The following SORCS2 variants were observed in gnomAD, a reference collection of about 807,000 sequenced individuals.
The protein encoded by SORCS2 is sortilin related VPS10 domain containing receptor 2, also known as VPS10 domain-containing receptor SorCS2.
Under a neutral mutation model 141.6 loss-of-function variants are expected in SORCS2, and 100 were observed. The observed-to-expected ratio is 0.71, with a 90% CI of 0.60 to 0.83. The LOEUF (loss-of-function observed/expected upper bound fraction) is 0.83, where lower values mean the gene tolerates loss of function less well. Ranked by LOEUF, SORCS2 falls within the 40% of genes least tolerant of loss-of-function variation. The probability of loss-of-function intolerance (pLI) is 0.00; values close to 1 mark genes in which losing one functional copy is unlikely to be tolerated. For synonymous variants in SORCS2, 789 were observed against 676.9 expected (o/e 1.17, Z -2.57); for missense variants, 1,646 against 1,560.2 (o/e 1.05, Z -0.93).
At chr4:7,271,326 G>C (rs150367917) in intron 1 of SORCS2, among the ~76,000 whole-genome samples, 1 of 152,276 alleles carries the variant, frequency 6.6e-6, no homozygotes, top group East Asian at 1.9e-4. Context: ...TTCAGCCCCT[G>C]TTCCTATTCA....
chr4:7,475,773 T>A (rs1236968940), intron 2 of SORCS2, among the ~76,000 whole-genome samples: 4 of 152,372 alleles, frequency 2.6e-5, no homozygotes, highest in African/African-American at 9.6e-5. Context: ...GGTGCTGTGG[T>A]CTGGGGCCTG....
intron 2 of SORCS2, among the ~76,000 whole-genome samples, chr4:7,515,502 G>A (rs1188856584): frequency 2.0e-5 from 3 of 152,146 alleles, no homozygotes; most frequent in East Asian, 3.9e-4. Context: ...CGCCTGGCAC[G>A]AGGGCTCAGC....
At chr4:7,471,415 G>A (rs1410684856) in intron 2 of SORCS2, among the ~76,000 whole-genome samples, 1 of 152,234 alleles carries the variant, frequency 6.6e-6, no homozygotes, top group East Asian at 1.9e-4. Context: ...CATAAGAAAA[G>A]CCTACAGACC....
intron 2 of SORCS2, among the ~76,000 whole-genome samples, chr4:7,468,566 T>C (rs931923867): frequency 6.6e-6 from 1 of 152,250 alleles, no homozygotes; most frequent in Non-Finnish European, 1.5e-5. Flanking sequence ...TTGGAAAGGT[T>C]TGTTGAATGC....
At chr4:7,727,381 T>C (rs1560117143) in intron 21 of SORCS2, among the ~76,000 whole-genome samples, 1 of 151,860 alleles carries the variant, frequency 6.6e-6, no homozygotes, top group South Asian at 2.1e-4. Context: ...TCTTAGTCCC[T>C]CGTGGGAGAT....
chr4:7,468,471 T>C lies in SORCS2; in HGVS notation c.549-63059T>C, dbSNP rs1469552179. 3.3e-5 allele frequency among the ~76,000 whole-genome samples: 5 copies of C among 152,340 alleles called. No individual in the cohort carries two copies. In the South Asian group the frequency reaches 6.2e-4, roughly 19 times the overall value. ...TTGAGAAGAATACACTGAAAAAAGA[T>C]GTGTGCATAGCGTCGAGGATGGGGG... On this transcript the variant is annotated intron_variant, in intron 2 of 26. Coordinates refer to ENST00000507866, the MANE Select transcript of SORCS2 (RefSeq NM_020777.3).
chr4:7,538,192 C>G (rs1021710357), intron 3 of SORCS2, among the ~76,000 whole-genome samples: 1 of 152,192 alleles, frequency 6.6e-6, no homozygotes, highest in Non-Finnish European at 1.5e-5. Context: ...AATTACAGGC[C>G]GAGCAGCACT....
rs558882282 is a variant in SORCS2 at position 7,656,429 on chromosome 4, C to T, written c.887+2222C>T. 2.0e-5 allele frequency among the ~76,000 whole-genome samples: 3 copies of T among 152,348 alleles called. No homozygotes were observed. In the East Asian group the frequency reaches 5.8e-4, roughly 29 times the overall value. ...CGTGGAGGCTCTGAGTGCACCATTCCACGGCATCCCCACAGCAGCCCATGC... is the reference window on the plus strand; with the variant it reads ...CGTGGAGGCTCTGAGTGCACCATTCTACGGCATCCCCACAGCAGCCCATGC... On this transcript the variant is annotated intron_variant, in intron 5 of 26. Transcript: ENST00000507866.
chr4:7,437,696 G>C (rs1297601999), intron 2 of SORCS2, among the ~76,000 whole-genome samples: 6 of 148,526 alleles, frequency 4.0e-5, no homozygotes, highest in Non-Finnish European at 6.0e-5. Flanking sequence ...GTGCCAGAAA[G>C]TGGGGACAAA....
chr4:7,480,811 G>A (rs77431149), intron 2 of SORCS2, among the ~76,000 whole-genome samples: 5,130 of 152,376 alleles, frequency 0.034, 266 homozygotes, highest in African/African-American at 0.12. Context: ...TGGAGGCTTG[G>A]CTGGGACAGG....
At chr4:7,420,505 G>A (rs1725969072) in intron 2 of SORCS2, among the ~76,000 whole-genome samples, 1 of 152,220 alleles carries the variant, frequency 6.6e-6, no homozygotes, top group African/African-American at 2.4e-5. Flanking sequence ...TGGGGGCACT[G>A]GAGAGGTTCT....
intron 2 of SORCS2, among the ~76,000 whole-genome samples, chr4:7,406,502 A>C (rs187191788): frequency 7.9e-5 from 12 of 151,550 alleles, no homozygotes; most frequent in Non-Finnish European, 1.3e-4. Context: ...CATTTCTTCC[A>C]GGTTTTTCAG....
intron 2 of SORCS2, among the ~76,000 whole-genome samples, chr4:7,461,956 C>A (rs1729340804): frequency 3.3e-5 from 5 of 152,192 alleles, no homozygotes; most frequent in African/African-American, 1.2e-4. Flanking sequence ...CTCTGCTGTC[C>A]CACGGCAGCT....
chr4:7,698,600 C>T (rs1283992181), intron 12 of SORCS2, among the ~76,000 whole-genome samples: 2 of 152,192 alleles, frequency 1.3e-5, no homozygotes, highest in African/African-American at 4.8e-5. Flanking sequence ...TTTATAGAAA[C>T]GGATTGCAAG....
intron 1 of SORCS2, among the ~76,000 whole-genome samples, chr4:7,197,901 G>A (rs1307665296): frequency 6.6e-6 from 1 of 152,162 alleles, no homozygotes; most frequent in Non-Finnish European, 1.5e-5. Context: ...GGACTTCAGT[G>A]ACCATATCTT....
At chr4:7,263,959 C>T (rs765576468) in intron 1 of SORCS2, among the ~76,000 whole-genome samples, 1 of 152,174 alleles carries the variant, frequency 6.6e-6, no homozygotes, top group African/African-American at 2.4e-5. Flanking sequence ...CACTCATTCA[C>T]TCACTGACTC....
chr4:7,413,006 T>A (rs373278411), intron 2 of SORCS2, among the ~76,000 whole-genome samples: 1 of 152,150 alleles, frequency 6.6e-6, no homozygotes, highest in Non-Finnish European at 1.5e-5. Context: ...CCACGAGGCA[T>A]CATGCGTGAA....
At chr4:7,326,983 C>T (rs552386500) in intron 1 of SORCS2, among the ~76,000 whole-genome samples, 62 of 152,328 alleles carry the variant, frequency 4.1e-4, no homozygotes, top group South Asian at 3.7e-3. Context: ...TGAGGGCCTC[C>T]GGGCCTCCAC....
At chr4:7,460,146 A>G (rs1021619171) in intron 2 of SORCS2, 15 of 154,882 alleles carry the variant, frequency 9.7e-5, no homozygotes, top group African/African-American at 3.6e-4. Flanking sequence ...TGAGCCAGCC[A>G]ATGGGTTGAG....
Sources: gnomAD v4.1 joint callset for allele counts (sites outside exome capture counted in the v4.1 genomes callset) on GRCh38, gnomAD v4.1.1 for gene constraint, MANE v1.5 for transcripts, NCBI Gene and HGNC (gene_info 2026-07-23, HGNC 2026-07-21) for gene names.